The following VPS41 variants were observed in gnomAD, a reference collection of about 807,000 sequenced individuals.
VPS41 encodes VPS41 subunit of HOPS complex.
In VPS41, 85 loss-of-function variants were observed where a neutral mutation model predicts 130.9. That is an observed-to-expected ratio of 0.65 (90% CI 0.55 to 0.78). The LOEUF is 0.78. Among genes scored for constraint, VPS41 ranks in the 30% least tolerant of loss-of-function variants. The pLI, the probability that VPS41 is intolerant of heterozygous loss-of-function variation, is 0.00. For synonymous variants in VPS41, 335 were observed against 332.9 expected (o/e 1.01, Z -0.07); for missense variants, 874 against 1,018.7 (o/e 0.86, Z 1.93).
At chr7:38,753,084 C>T (rs1418148037) in intron 21 of VPS41, among the ~76,000 whole-genome samples, 1 of 152,080 alleles carries the variant, frequency 6.6e-6, no homozygotes, top group African/African-American at 2.4e-5. Context: ...ATACAGTACT[C>T]AGAAGTCAAA....
chr7:38,891,992 T>A (rs974206105), intron 2 of VPS41, among the ~76,000 whole-genome samples: 1 of 152,162 alleles, frequency 6.6e-6, no homozygotes, highest in South Asian at 2.1e-4. Flanking sequence ...TTTTGAGGTA[T>A]AACAGGAACT....
At chr7:38,818,450 G>C (rs6963364) in intron 6 of VPS41, among the ~76,000 whole-genome samples, 92,028 of 151,902 alleles carry the variant, frequency 0.61, 28,640 homozygotes, top group East Asian at 0.89. Context: ...CTGTTCCCCT[G>C]ATTCTCATCT....
At chr7:38,895,847 A>T (rs1041799850) in intron 2 of VPS41, among the ~76,000 whole-genome samples, 1 of 152,164 alleles carries the variant, frequency 6.6e-6, no homozygotes, top group African/African-American at 2.4e-5. Context: ...CAAGTCTCAC[A>T]TCTGTTCTCA....
At chr7:38,768,589 T>C (rs1442707502) in intron 14 of VPS41, among the ~76,000 whole-genome samples, 1 of 152,232 alleles carries the variant, frequency 6.6e-6, no homozygotes, top group African/African-American at 2.4e-5. Context: ...ATAACTACTA[T>C]GTGAGAAATC....
chr7:38,845,026 C>A (rs773381704), intron 4 of VPS41, among the ~76,000 whole-genome samples: 8 of 152,154 alleles, frequency 5.3e-5, no homozygotes, highest in Non-Finnish European at 8.8e-5. Flanking sequence ...TTTTCTAAAT[C>A]CTAACAACCT....
At chr7:38,797,178 G>A (rs1784638014) in intron 7 of VPS41, 1 of 198,646 alleles carries the variant, frequency 5.0e-6, no homozygotes, top group Non-Finnish European at 1.0e-5. Flanking sequence ...TATCGCAAAA[G>A]TTCTTCAAAT....
At position 38,870,354 on chromosome 7, in the gene VPS41, A is replaced by G. The variant is rs573303814; in HGVS notation, c.61-1101T>C. On this transcript the variant is annotated intron_variant, in intron 2 of 28. Coordinates refer to ENST00000310301, the MANE Select transcript of VPS41 (RefSeq NM_014396.4). ...GCTGCCTTGATGTGTTAAAAAGATAAGAATAAGAGTTCAAGAGGCATCGGG... is the reference window on the plus strand; with the variant it reads ...GCTGCCTTGATGTGTTAAAAAGATAGGAATAAGAGTTCAAGAGGCATCGGG... Among the ~76,000 whole-genome samples, 9 of 152,340 alleles carry G rather than the reference A, an allele frequency of 5.9e-5. No homozygotes were observed. The South Asian group carries it at 1.7e-3, about 28-fold the overall frequency.
At chr7:38,814,024 C>T (rs1784992874) in intron 7 of VPS41, among the ~76,000 whole-genome samples, 1 of 152,168 alleles carries the variant, frequency 6.6e-6, no homozygotes, top group Non-Finnish European at 1.5e-5. Flanking sequence ...TTGCTTATCA[C>T]AATGTCCAAC....
chr7:38,729,332 CT>C (rs1462553191), intron 25 of VPS41, among the ~76,000 whole-genome samples: 1 of 152,170 alleles, frequency 6.6e-6, no homozygotes, highest in Non-Finnish European at 1.5e-5. Flanking sequence ...CAATCTCTGT[CT>C]TAAATCCCCT....
In VPS41 at chr7:38,742,390, A is replaced by C. The variant is rs568339196; in HGVS notation, c.2123-269T>G. 7.2e-5 allele frequency among the ~76,000 whole-genome samples: 11 copies of C among 152,320 alleles called. No homozygotes were observed. In the East Asian group the frequency reaches 2.1e-3, roughly 29 times the overall value. On this transcript the variant is annotated intron_variant, in intron 24 of 28. Transcript: ENST00000310301. The stretch of plus-strand genomic sequence containing the variant: ...GTTGAACAAATGATTACTTGCCTTC[A>C]AAATACAGTTTTTAGCATCAAATGG...
chr7:38,834,633 G>C (rs1161238851), intron 4 of VPS41, among the ~76,000 whole-genome samples: 1 of 152,106 alleles, frequency 6.6e-6, no homozygotes, highest in Non-Finnish European at 1.5e-5. Context: ...TTAGCATGGT[G>C]ATGATCTGTT....
At chr7:38,874,394 A>G (rs920286983) in intron 2 of VPS41, among the ~76,000 whole-genome samples, 12 of 152,280 alleles carry the variant, frequency 7.9e-5, no homozygotes, top group Admixed American at 4.6e-4. Flanking sequence ...GAAAGGTGAG[A>G]TATCTTATAA....
chr7:38,765,089 T>C (rs899565036), intron 16 of VPS41, among the ~76,000 whole-genome samples: 2 of 152,146 alleles, frequency 1.3e-5, no homozygotes, highest in Non-Finnish European at 2.9e-5. Context: ...AAAACAAATA[T>C]AGGAATACTT....
At chr7:38,761,468 A>T (rs1783919613) in intron 17 of VPS41, among the ~76,000 whole-genome samples, 1 of 148,946 alleles carries the variant, frequency 6.7e-6, no homozygotes. Context: ...TTTTTTTAGT[A>T]GAGACGGGGT....
At chr7:38,841,429 G>A (rs1785605793) in intron 4 of VPS41, among the ~76,000 whole-genome samples, 1 of 152,174 alleles carries the variant, frequency 6.6e-6, no homozygotes, top group African/African-American at 2.4e-5. Flanking sequence ...GACAAGAAAT[G>A]GGTCTTCTAC....
At chr7:38,852,200 C>T (rs1445951102) in intron 4 of VPS41, among the ~76,000 whole-genome samples, 2 of 152,128 alleles carry the variant, frequency 1.3e-5, no homozygotes, top group Non-Finnish European at 2.9e-5. Flanking sequence ...GAAGCGAACA[C>T]CACCTAACAG....
chr7:38,799,225 T>C (rs952988360), intron 7 of VPS41, among the ~76,000 whole-genome samples: 4 of 151,990 alleles, frequency 2.6e-5, no homozygotes, highest in Non-Finnish European at 5.9e-5. Context: ...TAACAAGACA[T>C]TCAAAAAAAA....
chr7:38,789,865 C>T lies in VPS41; in HGVS notation c.720G>A (p.Val240=), dbSNP rs1001476. Residue 240 remains valine (V), a splice_region_variant and synonymous_variant, in exon 10 of 29, where the codon GTG becomes GTA. Coordinates refer to ENST00000310301, the MANE Select transcript of VPS41 (RefSeq NM_014396.4). ...TGGCATGCCGTTCCTTCACTGAGCA[C>T]ACCTGGAAAATAAGTTCGCAGGTTA... The part of the protein sequence containing the change: ...LIIGWGTSVK[V]CSVKERHASE... 0.074 allele frequency: 119,490 copies of T among 1,612,908 alleles called. 6,886 individuals are homozygous for T. Among genetic ancestry groups the T allele is most frequent in the African/African-American group, 0.3 (22,708 of 74,880 alleles).
chr7:38,731,005 T>C (rs1795653306), intron 25 of VPS41, among the ~76,000 whole-genome samples: 1 of 152,232 alleles, frequency 6.6e-6, no homozygotes, highest in Non-Finnish European at 1.5e-5. Context: ...GATAGCATTT[T>C]CTAGGAAAAT....
Sources: allele counts gnomAD v4.1 joint callset (sites outside exome capture counted in the v4.1 genomes callset), GRCh38; gene constraint gnomAD v4.1.1; transcripts MANE v1.5; gene names NCBI Gene and HGNC (gene_info 2026-07-23, HGNC 2026-07-21).